L2HGDH: variants seen among roughly 807,000 people sequenced by gnomAD.
L2HGDH encodes L-2-hydroxyglutarate dehydrogenase.
A neutral mutation model predicts 51.5 loss-of-function variants in L2HGDH; 34 were observed. The observed-to-expected ratio is 0.66, with a 90% CI of 0.50 to 0.88. L2HGDH has a LOEUF of 0.88. Among genes scored for constraint, L2HGDH ranks in the 40% least tolerant of loss-of-function variants. The pLI is 0.00. For synonymous variants in L2HGDH, 198 were observed against 197.9 expected, an observed-to-expected ratio of 1.00 and a Z score of -0.01; for missense variants, 558 against 571.9, an observed-to-expected ratio of 0.98 and a Z score of 0.25.
At chr14:50,262,656 C>G (rs1415886977) in intron 9 of L2HGDH, among the ~76,000 whole-genome samples, 1 of 152,020 alleles carries the variant, frequency 6.6e-6, no homozygotes, top group Admixed American at 6.6e-5. Flanking sequence ...CTCCCCTGCT[C>G]ATTTTTATTT....
chr14:50,245,138 A>G lies in L2HGDH; in HGVS notation c.*1920T>C, dbSNP rs1595053568. On this transcript the variant is annotated 3_prime_UTR_variant, in exon 10 of 10. Transcript: ENST00000267436. Reference sequence around the variant, plus strand: ...ACAAAAGTGAATGCCTCAAAGTTAGATATTTATCAAAAATGGAAAAATATC... The same window carrying G: ...ACAAAAGTGAATGCCTCAAAGTTAGGTATTTATCAAAAATGGAAAAATATC... 1.0e-6 allele frequency: 1 copy of G among 985,752 alleles called. No individual in the cohort carries two copies. The highest frequency in any genetic ancestry group is 1.2e-6 in the Non-Finnish European group (1 of 829,910). The allele number at this position is 985,752 out of a possible 1,614,324, so 61.1% of individuals were successfully genotyped here. A position where few individuals can be genotyped will look rare whatever the true frequency, so the allele number is the denominator to read the frequency against.
At chr14:50,304,778 T>C (rs2030631153) in intron 1 of L2HGDH, among the ~76,000 whole-genome samples, 1 of 152,060 alleles carries the variant, frequency 6.6e-6, no homozygotes, top group East Asian at 1.9e-4. Context: ...GAGCTTGCAG[T>C]GAGCCAAGAT....
At chr14:50,300,669 A>G (rs1208912518) in intron 3 of L2HGDH, among the ~76,000 whole-genome samples, 1 of 152,154 alleles carries the variant, frequency 6.6e-6, no homozygotes, top group Non-Finnish European at 1.5e-5. Context: ...CAATTAAAAA[A>G]TAATTTTAGG....
chr14:50,298,023 C>A (rs1237869588), intron 3 of L2HGDH, among the ~76,000 whole-genome samples: 1 of 151,916 alleles, frequency 6.6e-6, no homozygotes, highest in Non-Finnish European at 1.5e-5. Flanking sequence ...GTGGGTAGAT[C>A]ACTTGAAGTC....
intron 2 of L2HGDH, 124 bp downstream of exon 2, chr14:50,302,778 C>T: frequency 2.6e-6 from 2 of 762,498 alleles, no homozygotes; most frequent in African/African-American, 3.4e-5. Context: ...GTCCTTGTCC[C>T]ACACTCTGCT....
chr14:50,256,634 T>C (rs1716605028), intron 9 of L2HGDH, among the ~76,000 whole-genome samples: 2 of 152,186 alleles, frequency 1.3e-5, no homozygotes, highest in Non-Finnish European at 1.5e-5. Flanking sequence ...ACTGATATGC[T>C]TGATTTCTAC....
At chr14:50,278,435 T>C (rs1305201341) in intron 6 of L2HGDH, 85 bp downstream of exon 6, 1 of 857,916 alleles carries the variant, frequency 1.2e-6, no homozygotes, top group East Asian at 2.6e-5. Context: ...TTCAATAACT[T>C]AAAATACAGC....
intron 9 of L2HGDH, among the ~76,000 whole-genome samples, chr14:50,256,242 T>C (rs954703358): frequency 6.6e-6 from 1 of 152,114 alleles, no homozygotes. Flanking sequence ...ATACCAGGCA[T>C]AGTGGCTCAT....
chr14:50,282,313 C>A, intron 5 of L2HGDH: 1 of 384,966 alleles, frequency 2.6e-6, no homozygotes, highest in Non-Finnish European at 5.1e-6. Flanking sequence ...TCCTAGACCT[C>A]CCCTCTGCAA....
intron 6 of L2HGDH, among the ~76,000 whole-genome samples, chr14:50,271,273 C>T (rs181733249): frequency 6.6e-6 from 1 of 152,260 alleles, no homozygotes; most frequent in East Asian, 1.9e-4. Flanking sequence ...ATTGGCAGTT[C>T]TTTCGTTCTT....
chr14:50,259,007 GC>G (rs1342252023), intron 9 of L2HGDH, among the ~76,000 whole-genome samples: 1 of 144,366 alleles, frequency 6.9e-6, no homozygotes, highest in African/African-American at 2.7e-5. Flanking sequence ...ACCACGCCAG[GC>G]TCTTTTTTTT....
Position 50,244,398 on chromosome 14 carries a change from A to G in L2HGDH, c.*2660T>C, listed in dbSNP as rs567453079. On this transcript the variant is annotated 3_prime_UTR_variant, in exon 10 of 10. Coordinates refer to ENST00000267436, the MANE Select transcript of L2HGDH (RefSeq NM_024884.3). ...CTCAAATGGATTGAGGACTGCTTCAATTAGGACAATCATTTTTTGTAATTC... is the reference window on the plus strand; with the variant it reads ...CTCAAATGGATTGAGGACTGCTTCAGTTAGGACAATCATTTTTTGTAATTC... 7.5e-5 allele frequency: 74 copies of G among 985,412 alleles called. 1 individual carries two copies. The highest frequency in any genetic ancestry group is 2.5e-4 in the Admixed American group (4 of 16,280). 61.0% of individuals were successfully genotyped at this position (985,412 alleles called of 1,614,324 possible).
At chr14:50,289,630 AAAT>A (rs1385861168) in intron 4 of L2HGDH, among the ~76,000 whole-genome samples, 14 of 152,214 alleles carry the variant, frequency 9.2e-5, no homozygotes, top group Admixed American at 5.9e-4. Context: ...AAAAGTCCCC[AAAT>A]ATTTCAAACA....
At chr14:50,272,565 C>A (rs1483449944) in intron 6 of L2HGDH, among the ~76,000 whole-genome samples, 1 of 152,150 alleles carries the variant, frequency 6.6e-6, no homozygotes, top group Non-Finnish European at 1.5e-5. Context: ...AGATAACTAA[C>A]CTCCTTTTGA....
At chr14:50,249,882 CTTTTTTTTTTTTTTTTTTTTTTTTT>C (rs747924080) in intron 9 of L2HGDH, among the ~76,000 whole-genome samples, 2 of 68,912 alleles carry the variant, frequency 2.9e-5, no homozygotes, top group Non-Finnish European at 5.2e-5. Flanking sequence ...GCTTACACTC[CTTTTTTTTTTTTTTTTTTTTTTTTT>C]TTTTTTTTTT....
At chr14:50,296,624 G>C (rs2030075467) in intron 3 of L2HGDH, among the ~76,000 whole-genome samples, 1 of 144,802 alleles carries the variant, frequency 6.9e-6, no homozygotes, top group African/African-American at 2.5e-5. Flanking sequence ...AGGCCCAGAG[G>C]CTTTATTCAT....
chr14:50,249,452 G>T (rs1888208461), intron 9 of L2HGDH, among the ~76,000 whole-genome samples: 1 of 152,194 alleles, frequency 6.6e-6, no homozygotes, highest in African/African-American at 2.4e-5. Context: ...TTACATCTTG[G>T]ATTCCAGCTC....
At chr14:50,273,560 T>A (rs114252236) in intron 6 of L2HGDH, among the ~76,000 whole-genome samples, 5,282 of 152,102 alleles carry the variant, frequency 0.035, 298 homozygotes, top group African/African-American at 0.12. Flanking sequence ...ATTTTTTTTT[T>A]AATATATAAG....
chr14:50,244,692 T>C lies in L2HGDH; in HGVS notation c.*2366A>G. 1 of 985,470 alleles carries C rather than the reference T, an allele frequency of 1.0e-6. No individual in the cohort carries two copies. Among genetic ancestry groups the C allele is most frequent in the South Asian group, 4.7e-5 (1 of 21,292 alleles). 61.0% of individuals were successfully genotyped at this position (985,470 alleles called of 1,614,324 possible). On this transcript the variant is annotated 3_prime_UTR_variant, in exon 10 of 10. Transcript: ENST00000267436. Reference sequence around the variant, plus strand: ...ACTTCTTAAACATGAGCTGATGAAGTGTAGCCTTTCAAATTAATGGATGAG... The same window carrying C: ...ACTTCTTAAACATGAGCTGATGAAGCGTAGCCTTTCAAATTAATGGATGAG...
Sources: allele counts gnomAD v4.1 joint callset (sites outside exome capture counted in the v4.1 genomes callset), GRCh38; gene constraint gnomAD v4.1.1; transcripts MANE v1.5; gene names NCBI Gene and HGNC (gene_info 2026-07-23, HGNC 2026-07-21).